The following OSBPL8 variants were observed in gnomAD, a reference collection of about 807,000 sequenced individuals.
The protein encoded by OSBPL8 is oxysterol binding protein like 8.
OSBPL8 carries 59 observed loss-of-function variants against 125.5 expected under a neutral mutation model. The ratio of observed to expected loss-of-function variants is 0.47; its 90% CI spans 0.38 to 0.58. The LOEUF (loss-of-function observed/expected upper bound fraction) is 0.58. Ranked by LOEUF, OSBPL8 falls within the 20% of genes least tolerant of loss-of-function variation. The pLI is 0.00. For synonymous variants in OSBPL8, 330 were observed against 338.9 expected (o/e 0.97, Z 0.29); for missense variants, 758 against 1,047.8 (o/e 0.72, Z 3.82).
chr12:76,486,311 T>A (rs1189975998), intron 2 of OSBPL8, among the ~76,000 whole-genome samples: 1 of 152,074 alleles, frequency 6.6e-6, no homozygotes, highest in East Asian at 1.9e-4. Context: ...AACACCGCAA[T>A]CTAATAGTGA....
intron 7 of OSBPL8, among the ~76,000 whole-genome samples, chr12:76,398,315 C>T (rs987662135): frequency 2.6e-5 from 4 of 152,192 alleles, no homozygotes; most frequent in Admixed American, 2.0e-4. Context: ...GAAAACACTG[C>T]TGGCACACAC....
chr12:76,375,125 T>C, intron 17 of OSBPL8, 148 bp downstream of exon 17: 1 of 538,124 alleles, frequency 1.9e-6, no homozygotes, highest in African/African-American at 1.9e-5. Context: ...AGCCTTGCCC[T>C]TATTCCTTAG....
intron 18 of OSBPL8, chr12:76,371,803 T>A (rs528901417): frequency 5.9e-6 from 2 of 341,818 alleles, no homozygotes. Context: ...TTAAAAAGAA[T>A]TTGGTTGAAT....
chr12:76,457,042 A>G (rs1874137300), intron 3 of OSBPL8, among the ~76,000 whole-genome samples: 1 of 152,244 alleles, frequency 6.6e-6, no homozygotes, highest in Admixed American at 6.5e-5. Flanking sequence ...CAAGGTTTAC[A>G]ATATTGCACG....
In OSBPL8 at chr12:76,357,813, C is replaced by T. The variant is rs1167088246; in HGVS notation, c.2434+893G>A. On this transcript the variant is annotated intron_variant, in intron 22 of 23. Coordinates refer to ENST00000261183, the MANE Select transcript of OSBPL8 (RefSeq NM_020841.5). ...TGTTATCTTTATAGGTTAAAATGAG[C>T]TCCCTAGTTCAGTGTAAACTCAGTA... 5.9e-5 allele frequency among the ~76,000 whole-genome samples: 9 copies of T among 152,116 alleles called. No individual in the cohort carries two copies. In the South Asian group the frequency reaches 1.9e-3, roughly 32 times the overall value.
At chr12:76,449,845 A>G (rs939161559) in intron 4 of OSBPL8, among the ~76,000 whole-genome samples, 1 of 152,234 alleles carries the variant, frequency 6.6e-6, no homozygotes, top group South Asian at 2.1e-4. Context: ...GAATTTTAAC[A>G]GAGTATGAAA....
At chr12:76,419,527 A>G (rs916845339) in intron 4 of OSBPL8, among the ~76,000 whole-genome samples, 2 of 152,180 alleles carry the variant, frequency 1.3e-5, no homozygotes, top group African/African-American at 4.8e-5. Flanking sequence ...GCTGTATGAC[A>G]TTGGGCACAA....
At chr12:76,449,619 G>A (rs750422515) in intron 4 of OSBPL8, among the ~76,000 whole-genome samples, 2 of 152,146 alleles carry the variant, frequency 1.3e-5, no homozygotes, top group Non-Finnish European at 2.9e-5. Flanking sequence ...TGATGAAGAA[G>A]TAAAAATTAT....
chr12:76,361,211 C>T (rs1952192147), intron 21 of OSBPL8, among the ~76,000 whole-genome samples: 1 of 152,166 alleles, frequency 6.6e-6, no homozygotes, highest in Admixed American at 6.5e-5. Context: ...CTGCCAGATA[C>T]CCTAAATCAT....
At chr12:76,368,557 C>G (rs1178073095) in intron 21 of OSBPL8, among the ~76,000 whole-genome samples, 1 of 152,080 alleles carries the variant, frequency 6.6e-6, no homozygotes, top group Non-Finnish European at 1.5e-5. Context: ...CCCATGGGTC[C>G]TTTAGGCTCT....
At chr12:76,453,967 T>C (rs990915033) in intron 3 of OSBPL8, among the ~76,000 whole-genome samples, 2 of 152,192 alleles carry the variant, frequency 1.3e-5, no homozygotes, top group African/African-American at 4.8e-5. Flanking sequence ...TTTTTAGTAA[T>C]GAGGCAAATA....
chr12:76,559,113 A>T (rs564455471), intron 1 of OSBPL8, among the ~76,000 whole-genome samples: 1 of 152,202 alleles, frequency 6.6e-6, no homozygotes, highest in African/African-American at 2.4e-5. Context: ...GGAGGGACAG[A>T]CACCCGGGGC....
intron 21 of OSBPL8, among the ~76,000 whole-genome samples, chr12:76,363,859 C>T (rs958295242): frequency 1.3e-5 from 2 of 152,144 alleles, no homozygotes; most frequent in Non-Finnish European, 2.9e-5. Flanking sequence ...TGAACAGACA[C>T]TTTTCAAAAG....
intron 1 of OSBPL8, among the ~76,000 whole-genome samples, chr12:76,494,606 A>G: frequency 6.6e-6 from 1 of 152,204 alleles, no homozygotes; most frequent in Non-Finnish European, 1.5e-5. Context: ...GAAAAACTGA[A>G]TATGGCGTGA....
At position 76,385,957 on chromosome 12, in the gene OSBPL8, T is replaced by C. The variant is rs899546291; in HGVS notation, c.1533+211A>G. On this transcript the variant is annotated intron_variant, in intron 14 of 23. Coordinates refer to ENST00000261183, the MANE Select transcript of OSBPL8 (RefSeq NM_020841.5). ...CAAAGGAAAAATAAAGATTTATTTT[T>C]GGTCAAAGGATTCCATGACTGTAAT... 26 of 604,094 alleles carry C rather than the reference T, an allele frequency of 4.3e-5. No individual in the cohort carries two copies. In the Admixed American group the frequency reaches 8.2e-4, roughly 19 times the overall value. The allele number at this position is 604,094 out of a possible 1,614,324, so 37.4% of individuals were successfully genotyped here.
At chr12:76,472,797 G>C (rs1307075001) in intron 2 of OSBPL8, among the ~76,000 whole-genome samples, 3 of 152,148 alleles carry the variant, frequency 2.0e-5, no homozygotes, top group Non-Finnish European at 2.9e-5. Flanking sequence ...ACATGAAAGT[G>C]GACTAGGAGC....
At chr12:76,356,898 C>T (rs550287691) in intron 22 of OSBPL8, among the ~76,000 whole-genome samples, 170 bp from the exon 23 acceptor site, 1 of 152,296 alleles carries the variant, frequency 6.6e-6, no homozygotes, top group African/African-American at 2.4e-5. Flanking sequence ...CATTGCAATA[C>T]TAGAACACTA....
intron 14 of OSBPL8, among the ~76,000 whole-genome samples, chr12:76,385,352 C>CTGAA (rs776313571): frequency 1.3e-4 from 19 of 151,864 alleles, no homozygotes; most frequent in Non-Finnish European, 2.2e-4. Context: ...AGACAGAAGA[C>CTGAA]TGAAAATCAT....
intron 1 of OSBPL8, among the ~76,000 whole-genome samples, chr12:76,500,113 T>C (rs953895942): frequency 6.6e-6 from 1 of 152,222 alleles, no homozygotes; most frequent in Non-Finnish European, 1.5e-5. Context: ...CGACTTAATA[T>C]CAAAAACTTC....
Sources: allele counts gnomAD v4.1 joint callset (sites outside exome capture counted in the v4.1 genomes callset), GRCh38; gene constraint gnomAD v4.1.1; transcripts MANE v1.5; gene names NCBI Gene and HGNC (gene_info 2026-07-23, HGNC 2026-07-21).